ATG2A: variants seen among roughly 807,000 people sequenced by gnomAD.
ATG2A encodes the protein autophagy related 2A.
In ATG2A, 103 loss-of-function variants were observed where a neutral mutation model predicts 214.2. The observed-to-expected ratio is 0.48, with a 90% CI of 0.41 to 0.57. The LOEUF (loss-of-function observed/expected upper bound fraction) is 0.57. Ranked by LOEUF, ATG2A falls within the 20% of genes least tolerant of loss-of-function variation. ATG2A has a pLI of 0.00. For missense variants in ATG2A, 2,312 were observed against 2,613.2 expected (o/e 0.88, Z 2.51); for synonymous variants, 1,160 against 1,142.1 (o/e 1.02, Z -0.32).
rs377369486 is a variant in ATG2A, at chr11:64,898,828, G to A, written c.4479C>T (p.His1493=). The part of the protein sequence containing the change: ...EIQLSKVSFQ[H]EVYPAEPATG... ...TGGCTGGCTCCGCTGGGTACACCTCGTGCTGGAAGCTTACCTGTGGGGTGG... is the reference window on the plus strand; with the variant it reads ...TGGCTGGCTCCGCTGGGTACACCTCATGCTGGAAGCTTACCTGTGGGGTGG... The change falls in exon 32 of 41, where the codon CAC becomes CAT. Residue 1493 remains histidine, a synonymous_variant. Coordinates refer to ENST00000377264, the MANE Select transcript of ATG2A (RefSeq NM_015104.3). This position sits in a 1 kb window ranked among gnomAD's most constrained non-coding sequence, Gnocchi z 4.5. The A allele has an allele frequency of 2.0e-5, 32 of 1,610,278 alleles. No homozygotes were observed. In the Admixed American group the frequency reaches 2.3e-4, roughly 12 times the overall value.
intron 9 of ATG2A, 23 bp from the exon 10 acceptor site, chr11:64,911,298 A>G: frequency 6.2e-7 from 1 of 1,608,910 alleles, no homozygotes; most frequent in Non-Finnish European, 8.5e-7. Flanking sequence ...AGGCTTCAGC[A>G]GGGGCTCCCA....
In ATG2A at chr11:64,903,733, G is replaced by A; in HGVS notation, c.3465-73C>T. 3 of 1,438,698 alleles carry A rather than the reference G, an allele frequency of 2.1e-6. No homozygotes were observed. Among genetic ancestry groups the A allele is most frequent in the Non-Finnish European group, 2.8e-6 (3 of 1,061,284 alleles). 89.1% of individuals were successfully genotyped at this position (1,438,698 alleles called of 1,614,324 possible). A position where few individuals can be genotyped will look rare whatever the true frequency, so the allele number is the denominator to read the frequency against. On this transcript the variant is annotated intron_variant, in intron 24 of 40. Transcript: ENST00000377264. The surrounding 1 kb of genome is among the most constrained non-coding windows in gnomAD (Gnocchi z 4.2). Reference sequence around the variant, plus strand: ...CAGCTCCACGGGAGCCGAGCAGAGGGGTCCCAAGCCCACAGGAGGTGGTAT... The same window carrying A: ...CAGCTCCACGGGAGCCGAGCAGAGGAGTCCCAAGCCCACAGGAGGTGGTAT...
At position 64,911,214 on chromosome 11, in the gene ATG2A, G is replaced by A; in HGVS notation, c.1290C>T (p.Thr430=). 1 of 1,614,140 alleles carries A rather than the reference G, an allele frequency of 6.2e-7. No individual in the cohort carries two copies. Among genetic ancestry groups the A allele is most frequent in the Non-Finnish European group, 8.5e-7 (1 of 1,180,040 alleles). Residue 430 remains threonine (T), a synonymous_variant, in exon 10 of 41, where the codon ACC becomes ACT. Coordinates refer to ENST00000377264, the MANE Select transcript of ATG2A (RefSeq NM_015104.3). ...GCAAGGTCAGGGTCACACCCCCCAA[G>A]GTCATCTTCAGCAGCGAGTCAGGGC... ...TMRPDSLLKM[T]LGGVTLTLLQ...
At chr11:64,906,622 C>G in intron 20 of ATG2A, 43 bp downstream of exon 20, 1 of 1,610,676 alleles carries the variant, frequency 6.2e-7, no homozygotes, top group South Asian at 1.1e-5. Context: ...CCCTCCACCC[C>G]CAACCCTGGA....
chr11:64,909,246 G>A, intron 15 of ATG2A, 25 bp downstream of exon 15: 2 of 1,613,044 alleles, frequency 1.2e-6, no homozygotes, highest in South Asian at 2.2e-5. Flanking sequence ...TCCTCTCCTG[G>A]GCCCAGTCCA....
intron 31 of ATG2A, among the ~76,000 whole-genome samples, chr11:64,899,796 T>C (rs1370334987): frequency 6.6e-6 from 1 of 151,844 alleles, no homozygotes; most frequent in Admixed American, 6.6e-5. Flanking sequence ...AGAAACATTC[T>C]GGGTCGCTGG....
chr11:64,903,851 T>C lies in ATG2A; in HGVS notation c.3465-191A>G, dbSNP rs1944446460. ...GGGAAGCGGGCAGCACTTGCAGCTC[T>C]CAAAGTGCCTGCAGTTCCGACACCT... On this transcript the variant is annotated intron_variant, in intron 24 of 40. Coordinates refer to ENST00000377264, the MANE Select transcript of ATG2A (RefSeq NM_015104.3). The surrounding 1 kb of genome is among the most constrained non-coding windows in gnomAD (Gnocchi z 4.2). 6.6e-6 allele frequency among the ~76,000 whole-genome samples: 1 copy of C among 152,236 alleles called. No homozygotes were observed. The highest frequency in any genetic ancestry group is 1.5e-5 in the Non-Finnish European group (1 of 68,044).
Position 64,896,508 on chromosome 11 carries a change from G to T in ATG2A, c.5381C>A (p.Ala1794Asp). The change falls in exon 39 of 41, where the codon GCC (alanine) becomes GAC (aspartate). Residue 1794 changes from alanine (A) to aspartate (D), a missense_variant. Coordinates refer to ENST00000377264, the MANE Select transcript of ATG2A (RefSeq NM_015104.3). ...GTTGCTGAGTTCCAGGGCGGCAGAG[G>T]CTGTGGATGAGCCAAAGGAGGCAGC... ...RGAASFGSST[A>D]SAALELSNRL... The T allele has an allele frequency of 1.9e-6, 3 of 1,614,014 alleles. No homozygotes were observed.
rs895294561 is a variant in ATG2A, at chr11:64,903,525, G to A, written c.3535+65C>T. 1 of 1,495,864 alleles carries A rather than the reference G, an allele frequency of 6.7e-7. No homozygotes were observed. The highest frequency in any genetic ancestry group is 1.4e-5 in the African/African-American group (1 of 72,156). The allele number at this position is 1,495,864 out of a possible 1,614,324, so 92.7% of individuals were successfully genotyped here. ...AGCAGCTGCGGGGAGACACCTGGCT[G>A]CTCTGGGTGTGGCCGGGGCGGTGGT... is the stretch of plus-strand genomic sequence containing the variant. On this transcript the variant is annotated intron_variant, in intron 25 of 40. Transcript: ENST00000377264. The surrounding 1 kb of genome is among the most constrained non-coding windows in gnomAD (Gnocchi z 4.2).
rs1233134272 is a variant in ATG2A, at chr11:64,895,327, C to T, written c.5543G>A (p.Arg1848Gln). ...GTCGTAGGCCTTGGCCACACCCTCC[C>T]GCAGGTCGGCAGGCTGCTGGCCCCT... is the stretch of plus-strand genomic sequence containing the variant. ...LRRGQQPADL[R>Q]EGVAKAYDTV... is the part of the protein sequence containing the mutation. The change falls in exon 40 of 41, where the codon CGG becomes CAG. Residue 1848 changes from arginine (R) to glutamine (Q), a missense_variant. Transcript: ENST00000377264. This position sits in a 1 kb window ranked among gnomAD's most constrained non-coding sequence, Gnocchi z 5.0. 3.1e-6 allele frequency: 5 copies of T among 1,613,272 alleles called. No homozygotes were observed. Among genetic ancestry groups the T allele is most frequent in the Admixed American group, 1.7e-5 (1 of 59,982 alleles).
chr11:64,905,531 T>G, intron 24 of ATG2A, 32 bp downstream of exon 24: 2 of 1,587,644 alleles, frequency 1.3e-6, no homozygotes, highest in East Asian at 2.3e-5. Flanking sequence ...CCGGCGAGGG[T>G]GGGATGGCCC....
chr11:64,904,472 G>A (rs1944467537), intron 24 of ATG2A, among the ~76,000 whole-genome samples: 3 of 152,054 alleles, frequency 2.0e-5, no homozygotes, highest in Admixed American at 2.0e-4. Context: ...TTGAACCCAG[G>A]AGGCAGAGGT....
rs756012179 is a variant in ATG2A at position 64,894,740 on chromosome 11, C to T, written c.*233G>A. 5 of 706,076 alleles carry T rather than the reference C, an allele frequency of 7.1e-6. No homozygotes were observed. Among genetic ancestry groups the T allele is most frequent in the Admixed American group, 2.0e-5 (1 of 49,888 alleles). 43.7% of individuals were successfully genotyped at this position (706,076 alleles called of 1,614,324 possible). On this transcript the variant is annotated 3_prime_UTR_variant, in exon 41 of 41. Coordinates refer to ENST00000377264, the MANE Select transcript of ATG2A (RefSeq NM_015104.3). ...AGAAGGCAGCAGTGTGGGCCCAGGT[C>T]GGGGGAGGGGCAGTGTCCTTTCTCC...
At chr11:64,899,337 T>C (rs1364906928) in intron 31 of ATG2A, among the ~76,000 whole-genome samples, 2 of 152,158 alleles carry the variant, frequency 1.3e-5, no homozygotes, top group Non-Finnish European at 2.9e-5. Context: ...CCTTCAGGAC[T>C]TTGCTCTCGT....
chr11:64,914,647 ATGC>A lies in ATG2A; in HGVS notation c.172-150_172-148del, dbSNP rs1351793507. 3 of 1,095,624 alleles carry A rather than the reference ATGC, an allele frequency of 2.7e-6. No individual in the cohort carries two copies. In the East Asian group the frequency reaches 7.8e-5, roughly 29 times the overall value. 67.9% of individuals were successfully genotyped at this position (1,095,624 alleles called of 1,614,324 possible). A position where few individuals can be genotyped will look rare whatever the true frequency, so the allele number is the denominator to read the frequency against. On this transcript the variant is annotated intron_variant, in intron 1 of 40. Transcript: ENST00000377264. ...TATCTACAAGGTCCCACCTATGCTC[ATGC>A]TGTCCCCTACTACAGGCCAGCCCCC...
chr11:64,903,042 G>A lies in ATG2A; in HGVS notation c.3612+246C>T, dbSNP rs1944415427. On this transcript the variant is annotated intron_variant, in intron 26 of 40. Transcript: ENST00000377264. The surrounding 1 kb of genome is among the most constrained non-coding windows in gnomAD (Gnocchi z 4.2). ...GGCTGATTCCCAGGGCCTCGCTGGT[G>A]CCCTGGCTGCCGCGTCCTCTGGTGG... 1.3e-5 allele frequency among the ~76,000 whole-genome samples: 2 copies of A among 152,132 alleles called. No homozygotes were observed. Among genetic ancestry groups the A allele is most frequent in the African/African-American group, 4.8e-5 (2 of 41,424 alleles).
Position 64,907,908 on chromosome 11 carries a change from G to A in ATG2A, c.2365-18C>T, listed in dbSNP as rs202160451. The A allele has an allele frequency of 1.2e-6, 2 of 1,608,582 alleles. No homozygotes were observed. The highest frequency in any genetic ancestry group is 4.5e-5 in the East Asian group (2 of 44,746). On this transcript the variant is annotated intron_variant, in intron 16 of 40. Coordinates refer to ENST00000377264, the MANE Select transcript of ATG2A (RefSeq NM_015104.3). The stretch of plus-strand genomic sequence containing the variant: ...ATCACCATCTGGACAGGGTGAGGTG[G>A]AAAGAGCAGGAGAGTCATCTTAGAG...
Position 64,895,070 on chromosome 11 carries a change from G to A in ATG2A, c.5720C>T (p.Ala1907Val), listed in dbSNP as rs200804328. 48 of 1,612,984 alleles carry A rather than the reference G, an allele frequency of 3.0e-5. No individual in the cohort carries two copies. The East Asian group carries it at 1.0e-3, about 35-fold the overall frequency. The stretch of plus-strand genomic sequence containing the variant: ...CATGCCCCCGAGCAGGCTGGACGTG[G>A]CCTCCGTGGCCAGGATGAGCGGCTT... Reference protein sequence around the residue: ...VVKPLILATEATSSLLGGMRN... With the variant: ...VVKPLILATEVTSSLLGGMRN... Residue 1907 changes from alanine (A) to valine (V), a missense_variant, in exon 41 of 41, where the codon GCC (alanine) becomes GTC (valine). Ala to Val is a moderately conservative substitution (Grantham distance 64). Transcript: ENST00000377264. The surrounding 1 kb of genome is among the most constrained non-coding windows in gnomAD (Gnocchi z 5.0).
At chr11:64,916,172 C>T (rs1375600633) in intron 1 of ATG2A, among the ~76,000 whole-genome samples, 1 of 152,168 alleles carries the variant, frequency 6.6e-6, no homozygotes, top group Non-Finnish European at 1.5e-5. Flanking sequence ...CTCACCGTTC[C>T]CAGCCTCAAG....
Sources: allele counts gnomAD v4.1 joint callset (sites outside exome capture counted in the v4.1 genomes callset), GRCh38; gene constraint gnomAD v4.1.1; non-coding constraint Gnocchi (gnomAD v3.1); transcripts MANE v1.5; gene names NCBI Gene and HGNC (gene_info 2026-07-23, HGNC 2026-07-21).